RALYL: variants seen among roughly 807,000 people sequenced by gnomAD.
RALYL encodes the protein RNA-binding Raly-like protein.
In RALYL, 29 loss-of-function variants were observed where a neutral mutation model predicts 35.1. The observed-to-expected ratio is 0.83, with a 90% CI of 0.61 to 1.13. The LOEUF (loss-of-function observed/expected upper bound fraction) is 1.13, where lower values mean the gene tolerates loss of function less well. Ranked by LOEUF, RALYL falls within the 50% of genes most tolerant of loss-of-function variation. RALYL has a pLI of 0.00. For synonymous variants in RALYL, 120 were observed against 127.6 expected, an observed-to-expected ratio of 0.94 and a Z score of 0.40; for missense variants, 359 against 360.4, an observed-to-expected ratio of 1.00 and a Z score of 0.03.
At chr8:84,579,378 C>G (rs998464825) in intron 2 of RALYL, among the ~76,000 whole-genome samples, 1 of 152,178 alleles carries the variant, frequency 6.6e-6, no homozygotes, top group African/African-American at 2.4e-5. Flanking sequence ...GTGCAGGGAT[C>G]CCTGGTCCAG....
intron 1 of RALYL, among the ~76,000 whole-genome samples, chr8:84,388,537 T>C (rs1859805304): frequency 1.3e-5 from 2 of 152,042 alleles, no homozygotes; most frequent in South Asian, 2.1e-4. Flanking sequence ...TGCCATTTAA[T>C]TGGTGTGAGA....
At chr8:84,817,124 A>G (rs1470611128) in intron 4 of RALYL, among the ~76,000 whole-genome samples, 1 of 152,160 alleles carries the variant, frequency 6.6e-6, no homozygotes. Context: ...TTTCAGGGCA[A>G]CAAGGCTTGC....
At chr8:84,385,632 A>C (rs902892574) in intron 1 of RALYL, among the ~76,000 whole-genome samples, 1 of 151,862 alleles carries the variant, frequency 6.6e-6, no homozygotes, top group Non-Finnish European at 1.5e-5. Flanking sequence ...AATCTTCCAC[A>C]TGCCTTCTCC....
intron 1 of RALYL, among the ~76,000 whole-genome samples, chr8:84,447,588 A>G (rs1484651439): frequency 6.6e-6 from 1 of 152,004 alleles, no homozygotes; most frequent in East Asian, 1.9e-4. Flanking sequence ...CTCATGGTTA[A>G]CACACTTCCA....
At chr8:84,757,749 T>C (rs1327238292) in intron 2 of RALYL, among the ~76,000 whole-genome samples, 3 of 152,174 alleles carry the variant, frequency 2.0e-5, no homozygotes, top group Admixed American at 6.6e-5. Flanking sequence ...GCAATAGTCA[T>C]ATTCAATCTG....
intron 1 of RALYL, among the ~76,000 whole-genome samples, chr8:84,294,412 G>C (rs1319616444): frequency 6.6e-6 from 1 of 152,108 alleles, no homozygotes; most frequent in Non-Finnish European, 1.5e-5. Context: ...TTGCTTATTG[G>C]TATCTTCAGT....
intron 1 of RALYL, among the ~76,000 whole-genome samples, chr8:84,425,798 T>G (rs1205124443): frequency 1.3e-5 from 2 of 151,504 alleles, no homozygotes; most frequent in Non-Finnish European, 2.9e-5. Context: ...TGTGTGTGTG[T>G]GTGTGTGTGT....
intron 2 of RALYL, among the ~76,000 whole-genome samples, chr8:84,684,431 A>C (rs1270121483): frequency 6.6e-6 from 1 of 152,190 alleles, no homozygotes; most frequent in Non-Finnish European, 1.5e-5. Context: ...AGTGGGAATT[A>C]TGAAAGCACC....
chr8:84,735,609 G>A (rs1044238637), intron 2 of RALYL, among the ~76,000 whole-genome samples: 1 of 151,906 alleles, frequency 6.6e-6, no homozygotes, highest in African/African-American at 2.4e-5. Context: ...TCTTAGGCTG[G>A]TCTGCTAGCC....
At chr8:84,507,734 T>G (rs1293479406) in intron 1 of RALYL, among the ~76,000 whole-genome samples, 1 of 152,152 alleles carries the variant, frequency 6.6e-6, no homozygotes, top group Non-Finnish European at 1.5e-5. Flanking sequence ...CACAGAGGTT[T>G]GCACTAGCCA....
At chr8:84,348,279 A>C (rs1850227525) in intron 1 of RALYL, among the ~76,000 whole-genome samples, 1 of 152,124 alleles carries the variant, frequency 6.6e-6, no homozygotes, top group African/African-American at 2.4e-5. Flanking sequence ...GTATCTTTGC[A>C]CCAGGCTATA....
intron 1 of RALYL, among the ~76,000 whole-genome samples, chr8:84,497,630 G>GTTTTTTTTT (rs1181968193): frequency 2.5e-5 from 3 of 119,124 alleles, no homozygotes; most frequent in Admixed American, 8.5e-5. Flanking sequence ...TTTTTTTGTT[G>GTTTTTTTTT]TTTTTGTTTT....
chr8:84,792,058 A>T (rs1386609255), intron 3 of RALYL, among the ~76,000 whole-genome samples: 1 of 152,258 alleles, frequency 6.6e-6, no homozygotes, highest in Non-Finnish European at 1.5e-5. Context: ...CCAGGCCAGC[A>T]TCCAGGGAAG....
intron 2 of RALYL, among the ~76,000 whole-genome samples, chr8:84,735,327 T>G (rs946149686): frequency 6.6e-6 from 1 of 151,918 alleles, no homozygotes; most frequent in Non-Finnish European, 1.5e-5. Context: ...AAGGAAAAAC[T>G]CCTATCCAAC....
At chr8:84,556,350 G>A (rs544536461) in intron 2 of RALYL, among the ~76,000 whole-genome samples, 12 of 152,114 alleles carry the variant, frequency 7.9e-5, no homozygotes, top group Non-Finnish European at 1.8e-4. Context: ...TGTGAGATAA[G>A]CATTATTAAT....
intron 5 of RALYL, among the ~76,000 whole-genome samples, chr8:84,858,521 A>T (rs1266882995): frequency 2.0e-5 from 3 of 152,194 alleles, no homozygotes; most frequent in African/African-American, 7.2e-5. Context: ...GGAAGGAAAA[A>T]AATTAAAGCT....
At chr8:84,390,583 G>A (rs1262322085) in intron 1 of RALYL, among the ~76,000 whole-genome samples, 1 of 152,086 alleles carries the variant, frequency 6.6e-6, no homozygotes, top group African/African-American at 2.4e-5. Flanking sequence ...GACTGTATGT[G>A]TCGAGGAATT....
chr8:84,601,798 TTAAG>T (rs1291866614), intron 2 of RALYL, among the ~76,000 whole-genome samples: 1 of 152,104 alleles, frequency 6.6e-6, no homozygotes, highest in Non-Finnish European at 1.5e-5. Flanking sequence ...TAATGGAAAC[TTAAG>T]TAACAAAATC....
chr8:84,565,236 T>C (rs1007176536), intron 2 of RALYL, among the ~76,000 whole-genome samples: 1 of 151,620 alleles, frequency 6.6e-6, no homozygotes, highest in African/African-American at 2.4e-5. Flanking sequence ...GTGCAGAAGC[T>C]CAACCACTTA....
Sources: gnomAD v4.1 joint callset for allele counts (sites outside exome capture counted in the v4.1 genomes callset) on GRCh38, gnomAD v4.1.1 for gene constraint, MANE v1.5 for transcripts, NCBI Gene and HGNC (gene_info 2026-07-23, HGNC 2026-07-21) for gene names.